CSMD1: variants seen among roughly 807,000 people sequenced by gnomAD.
The protein encoded by CSMD1 is CUB and sushi domain-containing protein 1.
Under a neutral mutation model 417.5 loss-of-function variants are expected in CSMD1, and 213 were observed. That is an observed-to-expected ratio of 0.51 (90% CI 0.46 to 0.57). The LOEUF is 0.57. CSMD1 is among the 20% of genes least tolerant of loss of function. The pLI is 0.00. For missense variants in CSMD1, 6,923 were observed against 4,529.7 expected (o/e 1.53, Z -15.17); for synonymous variants, 2,862 against 1,736.8 (o/e 1.65, Z -16.11).
At chr8:4,923,680 G>T (rs933525240) in intron 1 of CSMD1, among the ~76,000 whole-genome samples, 1 of 152,082 alleles carries the variant, frequency 6.6e-6, no homozygotes, top group East Asian at 1.9e-4. Context: ...CCTATCCACG[G>T]AGAGCACTCA....
At chr8:4,941,078 C>G (rs942138017) in intron 1 of CSMD1, among the ~76,000 whole-genome samples, 1 of 152,160 alleles carries the variant, frequency 6.6e-6, no homozygotes. Context: ...TAAACCATCT[C>G]AAACATAATT....
chr8:3,537,839 A>G (rs1424259197), intron 10 of CSMD1, among the ~76,000 whole-genome samples: 2 of 152,220 alleles, frequency 1.3e-5, no homozygotes, highest in African/African-American at 4.8e-5. Context: ...TACAGACACA[A>G]TAAATACTTC....
chr8:4,057,082 G>C (rs2554523), intron 3 of CSMD1, among the ~76,000 whole-genome samples: 142,993 of 152,284 alleles, frequency 0.94, 67,210 homozygotes, highest in East Asian at 0.99. Context: ...AATGGTATTT[G>C]TAGTTCTAGA....
In CSMD1 at chr8:4,870,463, A is replaced by G. The variant is rs540223182; in HGVS notation, c.85+123869T>C. The stretch of plus-strand genomic sequence containing the variant: ...AACTTGAATGCACTGAAATGTATAG[A>G]GCCAGTCTTTCTTTTGATAGACATG... On this transcript the variant is annotated intron_variant, in intron 1 of 69. Transcript: ENST00000635120. Among the ~76,000 whole-genome samples, 77 of 152,274 alleles carry G rather than the reference A, an allele frequency of 5.1e-4. 2 individuals are homozygous for G. The highest frequency in any genetic ancestry group is 1.8e-3 in the African/African-American group (73 of 41,524).
intron 10 of CSMD1, among the ~76,000 whole-genome samples, chr8:3,507,727 G>T (rs1296351478): frequency 6.6e-6 from 1 of 152,270 alleles, no homozygotes; most frequent in South Asian, 2.1e-4. Context: ...TCTCACTGGG[G>T]TTTTGATTTG....
intron 2 of CSMD1, among the ~76,000 whole-genome samples, chr8:4,508,403 A>G (rs370661302): frequency 2.6e-5 from 4 of 152,220 alleles, no homozygotes; most frequent in East Asian, 3.8e-4. Context: ...AATTTTATAC[A>G]TAATCTTTGC....
rs77972603 is a variant in CSMD1 at position 4,449,273 on chromosome 8, A to C, written c.303-29208T>G. ...CACTCAGGTTGTAACTATTGAAAGG[A>C]AACTCAGAAATGTTTTACCAGGAGC... On this transcript the variant is annotated intron_variant, in intron 2 of 69. Transcript: ENST00000635120. Among the ~76,000 whole-genome samples, 237 of 152,326 alleles carry C rather than the reference A, an allele frequency of 1.6e-3. 1 individual carries two copies. The highest frequency in any genetic ancestry group is 5.2e-3 in the African/African-American group (218 of 41,576).
chr8:4,264,232 C>G (rs532920529), intron 3 of CSMD1, among the ~76,000 whole-genome samples: 1 of 152,218 alleles, frequency 6.6e-6, no homozygotes, highest in East Asian at 1.9e-4. Context: ...TTAGAATTTC[C>G]TCGTCTTAGG....
Position 4,372,882 on chromosome 8 carries a change from C to T in CSMD1, c.415+47071G>A, listed in dbSNP as rs78354900. Among the ~76,000 whole-genome samples, 1,415 of 152,258 alleles carry T rather than the reference C, an allele frequency of 9.3e-3. 48 individuals carry two copies. Among genetic ancestry groups the T allele is most frequent in the East Asian group, 0.08 (414 of 5,184 alleles). On this transcript the variant is annotated intron_variant, in intron 3 of 69. Transcript: ENST00000635120. ...AAAATTATTTACATGGAAATATAGC[C>T]CTCAAGAAGGCAAAGTGTAACTCCC...
intron 36 of CSMD1, among the ~76,000 whole-genome samples, chr8:3,184,436 C>T (rs1332158341): frequency 2.0e-5 from 3 of 152,294 alleles, no homozygotes; most frequent in South Asian, 2.1e-4. Flanking sequence ...AGCAGACCAA[C>T]GGTGCCATGC....
intron 4 of CSMD1, among the ~76,000 whole-genome samples, chr8:4,022,880 G>A (rs1449684558): frequency 3.3e-5 from 5 of 152,312 alleles, no homozygotes; most frequent in African/African-American, 1.2e-4. Flanking sequence ...TAGTTAAGAA[G>A]CAGAAAATAC....
At chr8:4,201,261 G>T (rs1799627326) in intron 3 of CSMD1, among the ~76,000 whole-genome samples, 1 of 152,118 alleles carries the variant, frequency 6.6e-6, no homozygotes, top group Non-Finnish European at 1.5e-5. Flanking sequence ...ATTCAGGGCC[G>T]GGCGCAGTGG....
chr8:4,920,982 C>G (rs13280544), intron 1 of CSMD1, among the ~76,000 whole-genome samples: 10,119 of 17,194 alleles, frequency 0.59, 2,110 homozygotes, highest in African/African-American at 0.62. Flanking sequence ...AAGAAAGAAA[C>G]AAAGAAAGAA....
intron 18 of CSMD1, among the ~76,000 whole-genome samples, chr8:3,378,722 T>A (rs1810463235): frequency 6.6e-6 from 1 of 152,156 alleles, no homozygotes; most frequent in Non-Finnish European, 1.5e-5. Flanking sequence ...AAACTCTCAA[T>A]AAACTAGGTA....
chr8:3,223,393 T>C (rs1798322446), intron 28 of CSMD1, among the ~76,000 whole-genome samples: 1 of 152,186 alleles, frequency 6.6e-6, no homozygotes, highest in African/African-American at 2.4e-5. Flanking sequence ...TTTAGAGTGA[T>C]AGGAGACATT....
intron 5 of CSMD1, among the ~76,000 whole-genome samples, chr8:3,943,669 T>C (rs1007332912): frequency 6.6e-6 from 1 of 151,694 alleles, no homozygotes; most frequent in African/African-American, 2.4e-5. Context: ...TCAACAGGGG[T>C]CCCCTGCTAT....
intron 12 of CSMD1, among the ~76,000 whole-genome samples, chr8:3,441,327 A>C (rs1814970455): frequency 6.6e-6 from 1 of 152,106 alleles, no homozygotes; most frequent in African/African-American, 2.4e-5. Flanking sequence ...TAGGAAACTA[A>C]TAGGGGTGTT....
intron 56 of CSMD1, 74 bp from the exon 57 acceptor site, chr8:2,973,373 GA>G (rs1312404677): frequency 1.4e-6 from 2 of 1,427,396 alleles, no homozygotes; most frequent in Admixed American, 2.0e-5. Flanking sequence ...CACACTTAAA[GA>G]TAATGAAAAG....
At chr8:3,372,731 T>C (rs1478632716) in intron 18 of CSMD1, among the ~76,000 whole-genome samples, 1 of 152,114 alleles carries the variant, frequency 6.6e-6, no homozygotes, top group Non-Finnish European at 1.5e-5. Flanking sequence ...CCAAGTCTGC[T>C]GGGCTTGCCT....
Sources: gnomAD v4.1 joint callset for allele counts (sites outside exome capture counted in the v4.1 genomes callset) on GRCh38, gnomAD v4.1.1 for gene constraint, MANE v1.5 for transcripts, NCBI Gene and HGNC (gene_info 2026-07-23, HGNC 2026-07-21) for gene names.